The following CCDC150 variants were observed in gnomAD, a reference collection of about 807,000 sequenced individuals.
CCDC150 encodes coiled-coil domain-containing protein 150.
A neutral mutation model predicts 156.5 loss-of-function variants in CCDC150; 151 were observed. The observed-to-expected ratio is 0.97, with a 90% CI of 0.85 to 1.10. The LOEUF (loss-of-function observed/expected upper bound fraction) is 1.10, where lower values mean the gene tolerates loss of function less well. Ranked by LOEUF, CCDC150 falls within the 50% of genes least tolerant of loss-of-function variation. The probability of loss-of-function intolerance (pLI) is 0.00; values close to 1 mark genes in which losing one functional copy is unlikely to be tolerated. For missense variants in CCDC150, 1,312 were observed against 1,268.1 expected, an observed-to-expected ratio of 1.03 and a Z score of -0.53; for synonymous variants, 452 against 429.4, an observed-to-expected ratio of 1.05 and a Z score of -0.65.
At chr2:196,720,866 AT>A (rs758209694) in intron 20 of CCDC150, among the ~76,000 whole-genome samples, 198 bp downstream of exon 20, 1 of 152,286 alleles carries the variant, frequency 6.6e-6, no homozygotes, top group Non-Finnish European at 1.5e-5. Context: ...CAGTACCACA[AT>A]AATGACTAAA....
rs777380953 is a variant in CCDC150, at chr2:196,674,296, C to A, written c.1085C>A (p.Thr362Asn). Residue 362 changes from threonine to asparagine, a missense_variant, in exon 10 of 28, where the codon ACT becomes AAT. Thr to Asn is a moderately conservative substitution (Grantham distance 65). Transcript: ENST00000389175. ...TCAGAGTTGAGCTGCATGCTTCAGA[C>A]TGTTACTATGGAAAAAGCCAGAATC... ...KCSELSCMLQ[T>N]VTMEKARIIA... The A allele has an allele frequency of 2.5e-6, 4 of 1,604,282 alleles. No homozygotes were observed. Among genetic ancestry groups the A allele is most frequent in the Non-Finnish European group, 2.6e-6 (3 of 1,175,144 alleles).
In CCDC150 at chr2:196,724,515, A is replaced by G. The variant is rs368427350; in HGVS notation, c.2430-1458A>G. On this transcript the variant is annotated intron_variant, in intron 21 of 27. Coordinates refer to ENST00000389175, the MANE Select transcript of CCDC150 (RefSeq NM_001080539.2). ...ATATGCTAAGGACTTCACATGCATT[A>G]TTTCCTTTAGTACAAACTATTACCC... 1.4e-3 allele frequency among the ~76,000 whole-genome samples: 211 copies of G among 152,244 alleles called. 1 individual carries two copies. The highest frequency in any genetic ancestry group is 3.4e-3 in the Middle Eastern group (1 of 294).
In CCDC150 at chr2:196,681,101, A is replaced by G. The variant is rs536900301; in HGVS notation, c.1509+3740A>G. On this transcript the variant is annotated intron_variant, in intron 13 of 27. Transcript: ENST00000389175. Reference sequence around the variant, plus strand: ...AAAGGAAACCCTGTACTAGTTAAGCAGTCACTCCCCATTCCCTCCTTCTCC... The same window carrying G: ...AAAGGAAACCCTGTACTAGTTAAGCGGTCACTCCCCATTCCCTCCTTCTCC... Among the ~76,000 whole-genome samples the G allele has an allele frequency of 4.9e-4, 74 of 152,322 alleles. 2 individuals carry two copies. The South Asian group carries it at 0.015, about 32-fold the overall frequency.
At chr2:196,697,549 A>C (rs987197883) in intron 14 of CCDC150, among the ~76,000 whole-genome samples, 4 of 152,170 alleles carry the variant, frequency 2.6e-5, no homozygotes, top group African/African-American at 9.7e-5. Context: ...AATGACTTGA[A>C]ATTTAAAAAT....
At chr2:196,719,327 A>G (rs918034657) in intron 18 of CCDC150, 170 bp from the exon 19 acceptor site, 4 of 490,768 alleles carry the variant, frequency 8.2e-6, no homozygotes, top group Admixed American at 4.1e-5. Flanking sequence ...TTTCTCAACA[A>G]TAACTTAAGA....
chr2:196,677,232 G>A (rs1196939031), intron 12 of CCDC150, 61 bp from the exon 13 acceptor site: 3 of 1,046,204 alleles, frequency 2.9e-6, no homozygotes, highest in Admixed American at 2.0e-5. Flanking sequence ...GTGCTATAGT[G>A]GAGCCTGTCA....
chr2:196,690,271 T>C (rs1695381534), intron 13 of CCDC150, among the ~76,000 whole-genome samples: 1 of 151,880 alleles, frequency 6.6e-6, no homozygotes, highest in Non-Finnish European at 1.5e-5. Context: ...TTAGGAGATA[T>C]ACCTAATGCT....
chr2:196,646,280 C>G, intron 1 of CCDC150, 61 bp from the exon 2 acceptor site: 2 of 1,462,250 alleles, frequency 1.4e-6, no homozygotes, highest in Non-Finnish European at 1.9e-6. Flanking sequence ...ACAGGAATGG[C>G]AGTGACTATT....
At chr2:196,720,698 A>T in intron 20 of CCDC150, 30 bp downstream of exon 20, 1 of 1,569,432 alleles carries the variant, frequency 6.4e-7, no homozygotes, top group South Asian at 1.2e-5. Flanking sequence ...AAATGATAAC[A>T]TTGATATTTT....
intron 1 of CCDC150, among the ~76,000 whole-genome samples, chr2:196,643,588 G>A (rs1156488726): frequency 6.6e-6 from 1 of 152,178 alleles, no homozygotes; most frequent in African/African-American, 2.4e-5. Flanking sequence ...TTTTAGTTGG[G>A]AATCTGCATC....
chr2:196,663,840 A>G (rs758269225), intron 5 of CCDC150, among the ~76,000 whole-genome samples: 4 of 152,116 alleles, frequency 2.6e-5, no homozygotes, highest in Admixed American at 6.5e-5. Flanking sequence ...AATGTCATCT[A>G]CGCTGGGGTT....
intron 15 of CCDC150, among the ~76,000 whole-genome samples, chr2:196,708,056 A>G (rs1009282766): frequency 8.5e-5 from 13 of 152,146 alleles, no homozygotes; most frequent in African/African-American, 2.9e-4. Flanking sequence ...AGTCCTGGAT[A>G]TCCTTGTTAA....
chr2:196,724,283 AAAG>A (rs1464937720), intron 21 of CCDC150, among the ~76,000 whole-genome samples: 10 of 152,200 alleles, frequency 6.6e-5, no homozygotes, highest in East Asian at 3.8e-4. Flanking sequence ...ACCTCAGTAA[AAAG>A]AAGAAGAAAG....
chr2:196,646,529 G>C, intron 2 of CCDC150, 25 bp downstream of exon 2: 11 of 1,597,720 alleles, frequency 6.9e-6, no homozygotes, highest in Non-Finnish European at 8.6e-6. Context: ...CTACATCTCT[G>C]TAGGTTGAAG....
intron 15 of CCDC150, among the ~76,000 whole-genome samples, chr2:196,705,902 T>G (rs1696592557): frequency 6.6e-6 from 1 of 152,220 alleles, no homozygotes; most frequent in South Asian, 2.1e-4. Context: ...TTCTGTTCCA[T>G]TGGTCTATAT....
At chr2:196,696,508 C>G (rs1012145669) in intron 14 of CCDC150, among the ~76,000 whole-genome samples, 2 of 152,178 alleles carry the variant, frequency 1.3e-5, no homozygotes, top group Non-Finnish European at 2.9e-5. Flanking sequence ...CAGGCCTAGC[C>G]TTACCCTATT....
At chr2:196,698,980 C>G (rs900200525) in intron 14 of CCDC150, among the ~76,000 whole-genome samples, 1 of 152,138 alleles carries the variant, frequency 6.6e-6, no homozygotes, top group Non-Finnish European at 1.5e-5. Context: ...AAGACTTGGT[C>G]AACATAATCC....
chr2:196,712,248 C>T lies in CCDC150; in HGVS notation c.1799C>T (p.Ala600Val). The T allele has an allele frequency of 6.7e-7, 1 of 1,487,362 alleles. No individual in the cohort carries two copies. Among genetic ancestry groups the T allele is most frequent in the Non-Finnish European group, 9.1e-7 (1 of 1,097,332 alleles). The allele number at this position is 1,487,362 out of a possible 1,614,324, so 92.1% of individuals were successfully genotyped here. The change falls in exon 16 of 28, where the codon GCT becomes GTT. Residue 600 changes from alanine (A) to valine (V), a missense_variant. Physicochemically the swap from Ala to Val is moderately conservative, Grantham distance 64 (BLOSUM62 0). Transcript: ENST00000389175. Reference protein sequence around the residue: ...KMNKYLQTKYAQANSELSAKR... With the variant: ...KMNKYLQTKYVQANSELSAKR... ...AATAAGTATTTACAGACTAAATATG[C>T]TCAGGTGTGATTAATATCTACAAAA...
chr2:196,722,575 CTAGA>C (rs1697986664), intron 21 of CCDC150, among the ~76,000 whole-genome samples: 1 of 151,988 alleles, frequency 6.6e-6, no homozygotes, highest in South Asian at 2.1e-4. Flanking sequence ...TGTTCTCAGC[CTAGA>C]TATTTATTAT....
Sources: gnomAD v4.1 joint callset for allele counts (sites outside exome capture counted in the v4.1 genomes callset) on GRCh38, gnomAD v4.1.1 for gene constraint, MANE v1.5 for transcripts, NCBI Gene and HGNC (gene_info 2026-07-23, HGNC 2026-07-21) for gene names.